Variants in ADAM29 observed in about 807,000 individuals in gnomAD.
The protein encoded by ADAM29 is disintegrin and metalloproteinase domain-containing protein 29.
For synonymous variants in ADAM29, 367 were observed against 342.3 expected (o/e 1.07, Z -0.80); for missense variants, 969 against 1,001.8 (o/e 0.97, Z 0.44).
In ADAM29 at chr4:174,976,252, G is replaced by T. The variant is rs939097524; in HGVS notation, c.727G>T (p.Val243Leu). 4 of 1,608,122 alleles carry T rather than the reference G, an allele frequency of 2.5e-6. No individual in the cohort carries two copies. The highest frequency in any genetic ancestry group is 2.7e-5 in the African/African-American group (2 of 74,560). The change falls in exon 5 of 5, where the codon GTG (valine) becomes TTG (leucine). Residue 243 changes from valine to leucine, a missense_variant. Transcript: ENST00000359240. The stretch of plus-strand genomic sequence containing the variant: ...CATTTTGGATGTCATTGGTGTTAAG[G>T]TGTTATTATTTGGTTTGGAGATCTG... ...DSILDVIGVKVLLFGLEIWTN... is the reference protein window; with the variant it reads ...DSILDVIGVKLLLFGLEIWTN...
chr4:174,958,241 TG>T (rs200230524), intron 4 of ADAM29, among the ~76,000 whole-genome samples: 1 of 120,236 alleles, frequency 8.3e-6, no homozygotes, highest in Non-Finnish European at 1.8e-5. Flanking sequence ...CAATTACTGA[TG>T]GGGGGGTGGG....
At chr4:174,918,938 T>C (rs1175287806) in intron 1 of ADAM29, 1 of 152,180 alleles carries the variant, frequency 6.6e-6, no homozygotes. Context: ...AGAATCTGTT[T>C]AATTCAGAGT....
chr4:174,925,920 A>T (rs1347332426), intron 2 of ADAM29, among the ~76,000 whole-genome samples: 1 of 152,198 alleles, frequency 6.6e-6, no homozygotes, highest in Admixed American at 6.5e-5. Context: ...GATGCTTCTG[A>T]TATGGGATCA....
chr4:174,924,584 T>C (rs1182538131), intron 2 of ADAM29, among the ~76,000 whole-genome samples: 1 of 152,122 alleles, frequency 6.6e-6, no homozygotes, highest in Non-Finnish European at 1.5e-5. Context: ...TGCTAATGAA[T>C]AAACAAACTA....
chr4:174,965,477 TATCTATC>T (rs1400301724), intron 4 of ADAM29, among the ~76,000 whole-genome samples: 2 of 137,088 alleles, frequency 1.5e-5, no homozygotes, highest in African/African-American at 5.6e-5. Flanking sequence ...CATCAAGCTC[TATCTATC>T]ATCTATCTAT....
rs1192390187 is a variant in ADAM29, at chr4:174,976,207, A to C, written c.682A>C (p.Ile228Leu). The change falls in exon 5 of 5, where the codon ATT becomes CTT. Residue 228 changes from isoleucine (I) to leucine (L), a missense_variant. Transcript: ENST00000359240. ...AAAGTTGCTGGAGGATCTATATGTT[A>C]TTGTTAATATAGTGGATTCCATTTT... is the stretch of plus-strand genomic sequence containing the variant. Reference protein sequence around the residue: ...DSKLLEDLYVIVNIVDSILDV... With the variant: ...DSKLLEDLYVLVNIVDSILDV... 1.2e-6 allele frequency: 2 copies of C among 1,606,322 alleles called. No homozygotes were observed. Among genetic ancestry groups the C allele is most frequent in the African/African-American group, 2.7e-5 (2 of 74,404 alleles).
At chr4:174,952,428 TA>T (rs1745234999) in intron 4 of ADAM29, among the ~76,000 whole-genome samples, 1 of 151,300 alleles carries the variant, frequency 6.6e-6, no homozygotes, top group African/African-American at 2.4e-5. Flanking sequence ...TTCCCAAAAG[TA>T]AAGGGAATAT....
At chr4:174,956,808 C>T (rs1456996493) in intron 4 of ADAM29, among the ~76,000 whole-genome samples, 1 of 151,818 alleles carries the variant, frequency 6.6e-6, no homozygotes, top group Non-Finnish European at 1.5e-5. Flanking sequence ...ACTTATCACA[C>T]TATGCACTCT....
intron 1 of ADAM29, among the ~76,000 whole-genome samples, chr4:174,919,523 G>A (rs139847185): frequency 6.6e-6 from 1 of 152,226 alleles, no homozygotes; most frequent in African/African-American, 2.4e-5. Flanking sequence ...CATTAGCCAC[G>A]TTGCAGTTCT....
intron 4 of ADAM29, among the ~76,000 whole-genome samples, chr4:174,973,575 T>C (rs2111108416): frequency 6.6e-6 from 1 of 152,370 alleles, no homozygotes; most frequent in African/African-American, 2.4e-5. Flanking sequence ...TGCTTGATCC[T>C]ATTTAAACTT....
At chr4:174,923,692 T>C (rs1012082225) in intron 2 of ADAM29, 1 of 151,962 alleles carries the variant, frequency 6.6e-6, no homozygotes, top group African/African-American at 2.4e-5. Context: ...ATGATTTTTT[T>C]CCTTGTGCAT....
chr4:174,923,407 C>T (rs1560856901), intron 2 of ADAM29, among the ~76,000 whole-genome samples: 1 of 151,360 alleles, frequency 6.6e-6, no homozygotes, highest in Non-Finnish European at 1.5e-5. Context: ...ACAATGATTG[C>T]TTGAGCACAG....
At chr4:174,963,971 G>A (rs1158477320) in intron 4 of ADAM29, among the ~76,000 whole-genome samples, 1 of 151,470 alleles carries the variant, frequency 6.6e-6, no homozygotes, top group Non-Finnish European at 1.5e-5. Flanking sequence ...GCCTGGCCTA[G>A]CAAATGTTAA....
Position 174,928,184 on chromosome 4 carries a change from G to A in ADAM29, c.-450-2802G>A, listed in dbSNP as rs78915679. ...TGGAAGGACAGCTGAGTTCAGGCAA[G>A]CTGATTTATTATCAGTCCTGCCGGG... On this transcript the variant is annotated intron_variant, in intron 2 of 4. Transcript: ENST00000359240. Among the ~76,000 whole-genome samples the A allele has an allele frequency of 6.3e-3, 965 of 152,248 alleles. 6 individuals carry two copies. The highest frequency in any genetic ancestry group is 0.027 in the Middle Eastern group (8 of 294).
At chr4:174,935,297 C>A (rs757163380) in intron 3 of ADAM29, among the ~76,000 whole-genome samples, 5 of 151,988 alleles carry the variant, frequency 3.3e-5, no homozygotes, top group East Asian at 1.9e-4. Context: ...TTTCAAGGTA[C>A]CTTCCCATGT....
At chr4:174,927,327 G>A (rs549842866) in intron 2 of ADAM29, among the ~76,000 whole-genome samples, 1 of 151,346 alleles carries the variant, frequency 6.6e-6, no homozygotes, top group South Asian at 2.1e-4. Flanking sequence ...TAGTAATTGT[G>A]TTTTTTTTTA....
chr4:174,971,198 T>C (rs1746461860), intron 4 of ADAM29, among the ~76,000 whole-genome samples: 1 of 152,206 alleles, frequency 6.6e-6, no homozygotes, highest in South Asian at 2.1e-4. Context: ...ACCTTAAATA[T>C]GTACAATAAC....
intron 4 of ADAM29, among the ~76,000 whole-genome samples, chr4:174,958,481 T>A (rs1212218008): frequency 6.6e-6 from 1 of 151,836 alleles, no homozygotes; most frequent in Non-Finnish European, 1.5e-5. Flanking sequence ...TCTTGATTAG[T>A]GATAGTATAC....
intron 4 of ADAM29, among the ~76,000 whole-genome samples, chr4:174,951,345 T>A (rs1745163889): frequency 6.6e-6 from 1 of 152,200 alleles, no homozygotes. Context: ...TTAAAGGTAC[T>A]TATTATTACT....
Sources: allele counts gnomAD v4.1 joint callset (sites outside exome capture counted in the v4.1 genomes callset), GRCh38; gene constraint gnomAD v4.1.1; transcripts MANE v1.5; gene names NCBI Gene and HGNC (gene_info 2026-07-23, HGNC 2026-07-21).